Variants in PDE4B observed in about 807,000 individuals in gnomAD.
PDE4B encodes phosphodiesterase 4B.
PDE4B carries 20 observed loss-of-function variants against 82.2 expected under a neutral mutation model. The observed-to-expected ratio is 0.24, with a 90% confidence interval of 0.17 to 0.35. PDE4B has a LOEUF of 0.35. Among genes scored for constraint, PDE4B ranks in the 10% least tolerant of loss-of-function variants. PDE4B has a pLI of 1.00. For missense variants in PDE4B, 655 were observed against 907.2 expected (o/e 0.72, Z 3.57); for synonymous variants, 320 against 318.9 (o/e 1.00, Z -0.04).
chr1:66,249,020 A>T (rs1191149618), intron 4 of PDE4B, among the ~76,000 whole-genome samples: 1 of 152,124 alleles, frequency 6.6e-6, no homozygotes, highest in Non-Finnish European at 1.5e-5. Context: ...CATATTAAAA[A>T]CTTTTGGAAT....
chr1:66,201,813 T>C (rs1444120224), intron 3 of PDE4B, among the ~76,000 whole-genome samples: 1 of 152,018 alleles, frequency 6.6e-6, no homozygotes, highest in Non-Finnish European at 1.5e-5. Flanking sequence ...GATTCATTGA[T>C]TTTTTTGAAG....
chr1:65,958,157 C>T (rs778780379), intron 3 of PDE4B, among the ~76,000 whole-genome samples: 2 of 151,686 alleles, frequency 1.3e-5, no homozygotes, highest in African/African-American at 2.4e-5. Flanking sequence ...GCGCTTTTTG[C>T]GTTCTTAGCT....
chr1:66,354,482 G>C, intron 8 of PDE4B: 2 of 1,025,220 alleles, frequency 2.0e-6, no homozygotes, highest in Non-Finnish European at 2.3e-6. Context: ...AGCTGAGTAG[G>C]ACTAATGTAG....
At chr1:66,368,097 A>T (rs529475978) in intron 15 of PDE4B, 32 bp downstream of exon 15, 1 of 1,607,038 alleles carries the variant, frequency 6.2e-7, no homozygotes, top group Admixed American at 1.7e-5. Flanking sequence ...TTTAACACAA[A>T]ACCAAACCAA....
intron 8 of PDE4B, among the ~76,000 whole-genome samples, chr1:66,337,289 T>C (rs1261805020): frequency 6.6e-6 from 1 of 152,160 alleles, no homozygotes; most frequent in African/African-American, 2.4e-5. Flanking sequence ...CCCAAGGAAG[T>C]AAGGAGTTGG....
In PDE4B at chr1:66,236,029, C is replaced by T. The variant is rs1652407141; in HGVS notation, c.282-11431C>T. ...TACATAAGTATAAGCCTAAGTTAAGCTTTCAGTTAATTTATATCGTAAAAA... is the reference window on the plus strand; with the variant it reads ...TACATAAGTATAAGCCTAAGTTAAGTTTTCAGTTAATTTATATCGTAAAAA... On this transcript the variant is annotated intron_variant, in intron 3 of 16. Coordinates refer to ENST00000341517, the MANE Select transcript of PDE4B (RefSeq NM_002600.4). Among the ~76,000 whole-genome samples the T allele has an allele frequency of 1.3e-5, 2 of 152,180 alleles. 1 individual carries two copies. The highest frequency in any genetic ancestry group is 3.8e-4 in the East Asian group (2 of 5,200).
intron 3 of PDE4B, among the ~76,000 whole-genome samples, chr1:65,998,518 G>T (rs561738478): frequency 6.6e-6 from 1 of 152,112 alleles, no homozygotes; most frequent in African/African-American, 2.4e-5. Context: ...AGAGGACAAG[G>T]AGCTTAAAGG....
chr1:66,298,658 G>C (rs1422115080), intron 7 of PDE4B, among the ~76,000 whole-genome samples: 1 of 152,116 alleles, frequency 6.6e-6, no homozygotes, highest in Non-Finnish European at 1.5e-5. Context: ...GAATGCTCCT[G>C]TTAAACCCAT....
At chr1:66,142,473 G>A (rs909501919) in intron 3 of PDE4B, among the ~76,000 whole-genome samples, 4 of 152,082 alleles carry the variant, frequency 2.6e-5, no homozygotes, top group Non-Finnish European at 5.9e-5. Context: ...GAATTTTGTT[G>A]CAGTATGCCA....
At position 66,204,464 on chromosome 1, in the gene PDE4B, G is replaced by A. The variant is rs962230621; in HGVS notation, c.282-42996G>A. On this transcript the variant is annotated intron_variant, in intron 3 of 16. Coordinates refer to ENST00000341517, the MANE Select transcript of PDE4B (RefSeq NM_002600.4). ...CCCATAGGTGGAGCCTACAGAGGCC[G>A]GCAGGCCTCCTTGAGCTGTGGTGGG... Among the ~76,000 whole-genome samples the A allele has an allele frequency of 1.9e-4, 29 of 152,376 alleles. No individual in the cohort carries two copies. In the East Asian group the frequency reaches 4.1e-3, roughly 21 times the overall value.
At chr1:65,928,007 T>A (rs749140828) in intron 3 of PDE4B, among the ~76,000 whole-genome samples, 2 of 152,276 alleles carry the variant, frequency 1.3e-5, no homozygotes, top group South Asian at 2.1e-4. Flanking sequence ...CAGTGACATT[T>A]TGGGTCCTCT....
At chr1:66,173,463 G>A (rs1381483249) in intron 3 of PDE4B, among the ~76,000 whole-genome samples, 2 of 152,156 alleles carry the variant, frequency 1.3e-5, no homozygotes, top group Admixed American at 6.5e-5. Context: ...ATTTTAAGAG[G>A]AAAAAACTCA....
intron 8 of PDE4B, among the ~76,000 whole-genome samples, chr1:66,347,138 A>G (rs1412092914): frequency 6.6e-6 from 1 of 152,076 alleles, no homozygotes; most frequent in African/African-American, 2.4e-5. Flanking sequence ...CACTCCCTCT[A>G]CTTCATGTTT....
intron 8 of PDE4B, among the ~76,000 whole-genome samples, chr1:66,342,647 C>T (rs554533042): frequency 6.6e-6 from 1 of 151,200 alleles, no homozygotes; most frequent in East Asian, 1.9e-4. Context: ...AGGAGAATCA[C>T]TTGAAACCAG....
Position 66,368,824 on chromosome 1 carries a change from AC to A in PDE4B, c.1704del (p.Thr569ProfsTer77). ...RNMVHCADLS[N>X]PTKSLELYRQ... is the part of the protein sequence containing the mutation. ...ATGGTACACTGTGCAGACCTGAGCA[AC>A]CCCACCAAGTCCTTGGAATTGTATC... On this transcript the variant is annotated frameshift_variant, in exon 16 of 17. Transcript: ENST00000341517. LOFTEE classifies it high-confidence loss of function. 1 of 1,612,416 alleles carries A rather than the reference AC, an allele frequency of 6.2e-7. No homozygotes were observed. The highest frequency in any genetic ancestry group is 8.5e-7 in the Non-Finnish European group (1 of 1,179,124).
At chr1:66,022,497 T>C (rs1227016531) in intron 3 of PDE4B, among the ~76,000 whole-genome samples, 1 of 152,244 alleles carries the variant, frequency 6.6e-6, no homozygotes, top group African/African-American at 2.4e-5. Flanking sequence ...ACCTAATTTA[T>C]TTGGAGTTTT....
intron 3 of PDE4B, among the ~76,000 whole-genome samples, chr1:65,925,811 T>C (rs1464793079): frequency 6.6e-6 from 1 of 152,160 alleles, no homozygotes; most frequent in African/African-American, 2.4e-5. Context: ...CTAGGGGCAC[T>C]GGGGCATTGG....
At chr1:66,284,936 C>T (rs900639067) in intron 7 of PDE4B, among the ~76,000 whole-genome samples, 2 of 152,120 alleles carry the variant, frequency 1.3e-5, no homozygotes, top group African/African-American at 4.8e-5. Flanking sequence ...GTTTTGGCTA[C>T]AGTGACAGGA....
At chr1:65,897,505 T>C (rs1646924379) in intron 1 of PDE4B, among the ~76,000 whole-genome samples, 1 of 152,032 alleles carries the variant, frequency 6.6e-6, no homozygotes, top group South Asian at 2.1e-4. Context: ...TTGACCCCTT[T>C]CTTCTTTTCT....
Sources: allele counts gnomAD v4.1 joint callset (sites outside exome capture counted in the v4.1 genomes callset), GRCh38; gene constraint gnomAD v4.1.1; transcripts MANE v1.5; gene names NCBI Gene and HGNC (gene_info 2026-07-23, HGNC 2026-07-21).